PITRM1: variants seen among roughly 807,000 people sequenced by gnomAD.
PITRM1 encodes the protein pitrilysin metallopeptidase 1.
A neutral mutation model predicts 129.9 loss-of-function variants in PITRM1; 100 were observed. The observed-to-expected ratio is 0.77, with a 90% confidence interval of 0.65 to 0.91. PITRM1 has a LOEUF of 0.91. Ranked by LOEUF, PITRM1 falls within the 40% of genes least tolerant of loss-of-function variation. The pLI is 0.00. For synonymous variants in PITRM1, 591 were observed against 508.8 expected (o/e 1.16, Z -2.17); for missense variants, 1,471 against 1,318.3 (o/e 1.12, Z -1.79).
chr10:3,161,722 C>T (rs747189926), intron 7 of PITRM1, among the ~76,000 whole-genome samples: 5 of 152,004 alleles, frequency 3.3e-5, no homozygotes, highest in Non-Finnish European at 7.4e-5. Flanking sequence ...CCAAAACGGG[C>T]CCACAGCTGG....
chr10:3,156,312 C>CAA (rs1841980799), intron 13 of PITRM1, among the ~76,000 whole-genome samples: 1 of 152,146 alleles, frequency 6.6e-6, no homozygotes, highest in African/African-American at 2.4e-5. Context: ...TAAAATACTA[C>CAA]AAACAGGTGA....
chr10:3,159,765 T>C, intron 9 of PITRM1, 83 bp downstream of exon 9: 1 of 769,616 alleles, frequency 1.3e-6, no homozygotes, highest in Admixed American at 2.1e-5. Context: ...AACATTCAAT[T>C]GTAGAACTCA....
At chr10:3,142,373 T>A (rs1024983504) in intron 23 of PITRM1, among the ~76,000 whole-genome samples, 5 of 152,258 alleles carry the variant, frequency 3.3e-5, no homozygotes, top group African/African-American at 9.6e-5. Context: ...CAGGACAGGC[T>A]GCCCAGGCCT....
intron 1 of PITRM1, 73 bp downstream of exon 1, chr10:3,172,644 C>A: frequency 7.3e-7 from 1 of 1,360,984 alleles, no homozygotes; most frequent in Non-Finnish European, 9.8e-7. Context: ...AGGACCCCTA[C>A]GCCTCCGGCC....
At chr10:3,166,439 C>T (rs1173150080) in intron 3 of PITRM1, 59 bp from the exon 4 acceptor site, 17 of 742,642 alleles carry the variant, frequency 2.3e-5, no homozygotes, top group Non-Finnish European at 9.8e-6. Flanking sequence ...GGACACAGTT[C>T]CCAGATGCAT....
At chr10:3,171,893 T>C (rs1843399018) in intron 1 of PITRM1, among the ~76,000 whole-genome samples, 1 of 152,238 alleles carries the variant, frequency 6.6e-6, no homozygotes, top group South Asian at 2.1e-4. Context: ...AATTGTATTA[T>C]ATGTCGTATG....
intron 25 of PITRM1, 161 bp from the exon 26 acceptor site, chr10:3,138,498 C>G (rs1437660309): frequency 1.6e-6 from 1 of 643,002 alleles, no homozygotes; most frequent in African/African-American, 1.8e-5. Context: ...ACACCCCGAC[C>G]TCCAGCTCCC....
At chr10:3,145,557 A>T (rs3758632) in intron 21 of PITRM1, 39 bp downstream of exon 21, 1 of 1,537,892 alleles carries the variant, frequency 6.5e-7, no homozygotes, top group South Asian at 1.2e-5. Context: ...TCTGGCACCC[A>T]CCAGGCGCTC....
intron 24 of PITRM1, 69 bp downstream of exon 24, chr10:3,140,618 A>G: frequency 1.4e-6 from 2 of 1,401,148 alleles, no homozygotes; most frequent in Admixed American, 2.1e-5. Context: ...AGAAAATGAC[A>G]CTGATAATCA....
At chr10:3,154,380 C>T (rs1214511510) in intron 14 of PITRM1, among the ~76,000 whole-genome samples, 2 of 152,124 alleles carry the variant, frequency 1.3e-5, no homozygotes, top group Non-Finnish European at 1.5e-5. Flanking sequence ...ACTGTGACCC[C>T]GTTTCCTAGG....
At chr10:3,145,275 C>CA (rs2132379715) in intron 21 of PITRM1, 1 of 296,252 alleles carries the variant, frequency 3.4e-6, no homozygotes, top group Admixed American at 4.7e-5. Flanking sequence ...CAGCAGTGAA[C>CA]AGCCTTCAGG....
intron 8 of PITRM1, 106 bp downstream of exon 8, chr10:3,160,098 T>A (rs1842322389): frequency 7.4e-7 from 1 of 1,344,046 alleles, no homozygotes; most frequent in African/African-American, 1.4e-5. Flanking sequence ...TCTCCCATAC[T>A]CTGTACCAAA....
intron 13 of PITRM1, 59 bp from the exon 14 acceptor site, chr10:3,155,788 A>C (rs1299307088): frequency 2.5e-5 from 39 of 1,581,742 alleles, no homozygotes; most frequent in Non-Finnish European, 3.1e-5. Flanking sequence ...CTATATCCTA[A>C]CACTCAACAA....
rs371275128 is a variant in PITRM1 at position 3,149,612 on chromosome 10, G to A, written c.1871+9C>T. 61 of 1,545,526 alleles carry A rather than the reference G, an allele frequency of 3.9e-5. No homozygotes were observed. Among genetic ancestry groups the A allele is most frequent in the Middle Eastern group, 1.8e-4 (1 of 5,684 alleles). ...AATAAGACACACAAGGGTATGTTGCGACTCGTACTTGGTGAGGACGCTGCA... is the reference window on the plus strand; with the variant it reads ...AATAAGACACACAAGGGTATGTTGCAACTCGTACTTGGTGAGGACGCTGCA... On this transcript the variant is annotated intron_variant, in intron 16 of 26. Coordinates refer to ENST00000224949, the MANE Select transcript of PITRM1 (RefSeq NM_014889.4).
At chr10:3,165,192 TG>T (rs769753996) in intron 6 of PITRM1, 45 bp downstream of exon 6, 2 of 1,289,598 alleles carry the variant, frequency 1.6e-6, no homozygotes, top group Non-Finnish European at 2.1e-6. Flanking sequence ...ATATTGTACA[TG>T]GGAAAGGTAA....
chr10:3,156,011 CA>C (rs1327507340), intron 13 of PITRM1, among the ~76,000 whole-genome samples: 1 of 152,170 alleles, frequency 6.6e-6, no homozygotes, highest in Admixed American at 6.5e-5. Flanking sequence ...TTAAACATAT[CA>C]ATACTAAACA....
At chr10:3,163,675 C>G in intron 7 of PITRM1, 50 bp downstream of exon 7, 2 of 1,489,794 alleles carry the variant, frequency 1.3e-6, no homozygotes, top group Non-Finnish European at 1.8e-6. Context: ...AGAACACAAA[C>G]AAGTCAACTT....
chr10:3,154,206 T>C (rs557597930), intron 14 of PITRM1, among the ~76,000 whole-genome samples: 43 of 152,350 alleles, frequency 2.8e-4, no homozygotes, highest in Admixed American at 5.2e-4. Context: ...CGTGCATCAT[T>C]GTTGCGCTCC....
At chr10:3,147,534 T>A (rs1554791706) in intron 19 of PITRM1, 38 bp downstream of exon 19, 1 of 1,598,984 alleles carries the variant, frequency 6.3e-7, no homozygotes, top group Non-Finnish European at 8.6e-7. Flanking sequence ...AATATGTGGC[T>A]AAACCGGAGT....
Sources: gnomAD v4.1 joint callset for allele counts (sites outside exome capture counted in the v4.1 genomes callset) on GRCh38, gnomAD v4.1.1 for gene constraint, MANE v1.5 for transcripts, NCBI Gene and HGNC (gene_info 2026-07-23, HGNC 2026-07-21) for gene names.